Variants in DNAI1 observed in about 807,000 individuals in gnomAD.
The protein encoded by DNAI1 is dynein, axonemal, intermediate polypeptide 1.
In DNAI1, 67 loss-of-function variants were observed where a neutral mutation model predicts 92.0. The ratio of observed to expected loss-of-function variants is 0.73; its 90% CI spans 0.60 to 0.89. The LOEUF (loss-of-function observed/expected upper bound fraction) is 0.89, where lower values mean the gene tolerates loss of function less well. Ranked by LOEUF, DNAI1 falls within the 40% of genes least tolerant of loss-of-function variation. The pLI is 0.00. For missense variants in DNAI1, 839 were observed against 866.6 expected, an observed-to-expected ratio of 0.97 and a Z score of 0.40; for synonymous variants, 323 against 319.6, an observed-to-expected ratio of 1.01 and a Z score of -0.11.
chr9:34,496,991 G>A, intron 9 of DNAI1, 124 bp from the exon 10 acceptor site: 1 of 791,282 alleles, frequency 1.3e-6, no homozygotes. Flanking sequence ...CCTTTACAGA[G>A]CTATCTGGGG....
intron 19 of DNAI1, among the ~76,000 whole-genome samples, chr9:34,519,700 C>A (rs1269033784): frequency 6.6e-6 from 1 of 152,164 alleles, no homozygotes; most frequent in Non-Finnish European, 1.5e-5. Context: ...CCTGCACTCA[C>A]CCCTCCCCAT....
At position 34,490,060 on chromosome 9, in the gene DNAI1, A is replaced by G; in HGVS notation, c.437A>G (p.Glu146Gly). Residue 146 changes from glutamate to glycine, a missense_variant, in exon 6 of 20, where the codon GAA becomes GGA. Physicochemically the swap from Glu to Gly is moderately conservative, Grantham distance 98. Transcript: ENST00000242317. ...ATTTCAGAAACAGGAAACCTCGAAG[A>G]AGACGAAGAGCCCAAGGAGTTAGAA... ...KVISETGNLEEDEEPKELETE... is the reference protein window; with the variant it reads ...KVISETGNLEGDEEPKELETE... 1.9e-6 allele frequency: 3 copies of G among 1,614,218 alleles called. No homozygotes were observed. Among genetic ancestry groups the G allele is most frequent in the Non-Finnish European group, 2.5e-6 (3 of 1,180,036 alleles).
Position 34,489,345 on chromosome 9 carries a change from G to A in DNAI1, c.284G>A (p.Gly95Asp). 1 of 1,614,066 alleles carries A rather than the reference G, an allele frequency of 6.2e-7. No individual in the cohort carries two copies. The highest frequency in any genetic ancestry group is 8.5e-7 in the Non-Finnish European group (1 of 1,179,980). The change falls in exon 5 of 20, where the codon GGC (glycine) becomes GAC (aspartate). Residue 95 changes from glycine (G) to aspartate (D), a missense_variant. Gly to Asp is a moderately conservative substitution (Grantham distance 94). Coordinates refer to ENST00000242317, the MANE Select transcript of DNAI1 (RefSeq NM_012144.4). Reference protein sequence around the residue: ...SFKEGTYKPIGFVNQLAVHYT... With the variant: ...SFKEGTYKPIDFVNQLAVHYT... Reference sequence around the variant, plus strand: ...TAGGAAGGCACATATAAGCCTATTGGCTTTGTGAACCAACTGGCAGTTCAC... The same window carrying A: ...TAGGAAGGCACATATAAGCCTATTGACTTTGTGAACCAACTGGCAGTTCAC...
At position 34,513,155 on chromosome 9, in the gene DNAI1, G is replaced by A; in HGVS notation, c.1533G>A (p.Met511Ile). Residue 511 changes from methionine to isoleucine, a missense_variant, in exon 16 of 20, where the codon ATG becomes ATA. Physicochemically the swap from Met to Ile is conservative, Grantham distance 10 (BLOSUM62 1). Transcript: ENST00000242317. The part of the protein sequence containing the change: ...AFDFHKEIDY[M>I]FLVGTEEGKI... ...ACTTCCACAAAGAGATTGACTACAT[G>A]TTCCTAGTGGGCACAGAGGAGGGAA... The A allele has an allele frequency of 6.2e-7, 1 of 1,614,182 alleles. No individual in the cohort carries two copies. The highest frequency in any genetic ancestry group is 8.5e-7 in the Non-Finnish European group (1 of 1,180,024).
chr9:34,485,167 G>C lies in DNAI1; in HGVS notation c.107G>C (p.Gly36Ala), dbSNP rs764858104. ...KRDEDSGTEV[G>A]EGTDEWAQSK... The stretch of plus-strand genomic sequence containing the variant: ...GATGAAGATTCAGGGACTGAAGTGG[G>C]AGAAGGCACAGATGAATGGGCCCAA... The change falls in exon 3 of 20, where the codon GGA (glycine) becomes GCA (alanine). Residue 36 changes from glycine to alanine, a missense_variant. Gly to Ala is a moderately conservative substitution (Grantham distance 60). Transcript: ENST00000242317. 5 of 1,614,182 alleles carry C rather than the reference G, an allele frequency of 3.1e-6. No homozygotes were observed. The highest frequency in any genetic ancestry group is 4.2e-6 in the Non-Finnish European group (5 of 1,180,038).
chr9:34,459,097 C>T, intron 1 of DNAI1, 44 bp downstream of exon 1: 1 of 1,567,432 alleles, frequency 6.4e-7, no homozygotes, highest in Non-Finnish European at 8.8e-7. Flanking sequence ...TGACCTTCGT[C>T]GTCGCCAGTG....
intron 1 of DNAI1, among the ~76,000 whole-genome samples, chr9:34,460,141 C>T (rs1334637274): frequency 2.6e-5 from 4 of 152,188 alleles, no homozygotes; most frequent in African/African-American, 7.2e-5. Flanking sequence ...ACAGGAAACC[C>T]GAGTCATCCC....
chr9:34,491,549 A>C lies in DNAI1; in HGVS notation c.676A>C (p.Asn226His), dbSNP rs769349211. 4.0e-5 allele frequency: 64 copies of C among 1,614,062 alleles called. No individual in the cohort carries two copies. The East Asian group carries it at 1.4e-3, about 35-fold the overall frequency. ...PPRTNFSATA[N>H]QWEIYDAYVE... ...CAGGACAAACTTTTCAGCCACAGCCAATCAGGTAAGACCCTGGGCCAGCCT... is the reference window on the plus strand; with the variant it reads ...CAGGACAAACTTTTCAGCCACAGCCCATCAGGTAAGACCCTGGGCCAGCCT... Residue 226 changes from asparagine (N) to histidine (H), a missense_variant, in exon 8 of 20, where the codon AAT (asparagine) becomes CAT (histidine). Physicochemically the swap from Asn to His is moderately conservative, Grantham distance 68. Coordinates refer to ENST00000242317, the MANE Select transcript of DNAI1 (RefSeq NM_012144.4).
intron 13 of DNAI1, 70 bp from the exon 14 acceptor site, chr9:34,512,039 C>G (rs913478347): frequency 2.7e-6 from 4 of 1,481,820 alleles, no homozygotes; most frequent in African/African-American, 2.8e-5. Flanking sequence ...TTGGGGGAGC[C>G]CTGCTCTGCC....
chr9:34,511,870 T>G (rs1216725295), intron 13 of DNAI1, among the ~76,000 whole-genome samples: 3 of 152,144 alleles, frequency 2.0e-5, no homozygotes, highest in Admixed American at 2.0e-4. Flanking sequence ...AAGGCAATGC[T>G]TTGACTGGCA....
At chr9:34,500,353 T>C (rs77882707) in intron 10 of DNAI1, among the ~76,000 whole-genome samples, 3,859 of 152,136 alleles carry the variant, frequency 0.025, 177 homozygotes, top group African/African-American at 0.089. Flanking sequence ...GCTGAACCCT[T>C]GAAATTTGGC....
chr9:34,506,785 G>C lies in DNAI1; in HGVS notation c.1222G>C (p.Val408Leu). The C allele has an allele frequency of 6.2e-7, 1 of 1,614,150 alleles. No homozygotes were observed. Among genetic ancestry groups the C allele is most frequent in the Non-Finnish European group, 8.5e-7 (1 of 1,180,040 alleles). The stretch of plus-strand genomic sequence containing the variant: ...GGCAGTAGGCCACTATGACGGCAAC[G>C]TGGCCATTTACAACCTCAAGAAGCC... ...LVAVGHYDGNVAIYNLKKPHS... is the reference protein window; with the variant it reads ...LVAVGHYDGNLAIYNLKKPHS... The change falls in exon 13 of 20, where the codon GTG becomes CTG. Residue 408 changes from valine (V) to leucine (L), a missense_variant. Transcript: ENST00000242317.
chr9:34,495,297 C>A (rs34329222), intron 9 of DNAI1, among the ~76,000 whole-genome samples: 8,617 of 152,218 alleles, frequency 0.057, 343 homozygotes, highest in Middle Eastern at 0.088. Flanking sequence ...TGGAAACCTG[C>A]ATCTCCCAGG....
intron 19 of DNAI1, among the ~76,000 whole-genome samples, chr9:34,518,010 C>T (rs1009197135): frequency 6.6e-6 from 1 of 152,224 alleles, no homozygotes; most frequent in African/African-American, 2.4e-5. Context: ...AGACCCTGCC[C>T]AGAGGCCAAG....
At chr9:34,463,488 A>G (rs1179625301) in intron 1 of DNAI1, among the ~76,000 whole-genome samples, 1 of 152,214 alleles carries the variant, frequency 6.6e-6, no homozygotes, top group East Asian at 1.9e-4. Context: ...GAAAATTGTG[A>G]GAGTGCCAAC....
chr9:34,471,458 A>G (rs1364866669), intron 1 of DNAI1, among the ~76,000 whole-genome samples: 2 of 151,314 alleles, frequency 1.3e-5, no homozygotes, highest in East Asian at 1.9e-4. Flanking sequence ...AAAAAAAAAA[A>G]AAAAGAAAAG....
intron 8 of DNAI1, among the ~76,000 whole-genome samples, chr9:34,492,507 T>TATAG (rs1824626489): frequency 1.7e-5 from 1 of 59,562 alleles, no homozygotes; most frequent in South Asian, 8.0e-4. Context: ...TATATATATA[T>TATAG]ATATATATAT....
intron 9 of DNAI1, among the ~76,000 whole-genome samples, chr9:34,494,510 C>G (rs528419399): frequency 1.4e-4 from 21 of 152,260 alleles, no homozygotes; most frequent in African/African-American, 4.8e-4. Flanking sequence ...GGCCACTGGC[C>G]TAGGTCAGGG....
chr9:34,465,017 G>A (rs1160609008), intron 1 of DNAI1, among the ~76,000 whole-genome samples: 1 of 152,218 alleles, frequency 6.6e-6, no homozygotes, highest in Non-Finnish European at 1.5e-5. Context: ...ATGTGTTTCA[G>A]TGAAACTGTA....
Sources: gnomAD v4.1 joint callset for allele counts (sites outside exome capture counted in the v4.1 genomes callset) on GRCh38, gnomAD v4.1.1 for gene constraint, MANE v1.5 for transcripts, NCBI Gene and HGNC (gene_info 2026-07-23, HGNC 2026-07-21) for gene names.